The following HTR2C variants were observed in gnomAD, a reference collection of about 807,000 sequenced individuals.
HTR2C encodes 5-hydroxytryptamine (serotonin) receptor 2C, G protein-coupled.
HTR2C carries 5 observed loss-of-function variants against 21.0 expected under a neutral mutation model. That is an observed-to-expected ratio of 0.24 (90% CI 0.12 to 0.50). The LOEUF is 0.50. Among genes scored for constraint, HTR2C ranks in the 20% least tolerant of loss-of-function variants. The pLI, the probability that HTR2C is intolerant of heterozygous loss-of-function variation, is 0.98. For synonymous variants in HTR2C, 150 were observed against 145.3 expected (o/e 1.03, Z -0.23); for missense variants, 271 against 371.2 (o/e 0.73, Z 2.22).
chrX:114,595,799 A>G (rs1380059944), intron 1 of HTR2C, among the ~76,000 whole-genome samples: 1 of 55,853 alleles, frequency 1.8e-5, no homozygotes, highest in Non-Finnish European at 3.6e-5. Flanking sequence ...GCAATATGAC[A>G]GATTAAAACA....
chrX:114,814,882 G>T (rs2070568534), intron 4 of HTR2C, among the ~76,000 whole-genome samples: 1 of 97,508 alleles, frequency 1.0e-5, no homozygotes. Context: ...ATATACTATA[G>T]AATATATATT....
At chrX:114,764,008 A>G (rs1174845533) in intron 4 of HTR2C, among the ~76,000 whole-genome samples, 1 of 111,928 alleles carries the variant, frequency 8.9e-6, no homozygotes, top group Non-Finnish European at 1.9e-5. Flanking sequence ...ACATATGTGG[A>G]AGAATACAGT....
At chrX:114,820,748 C>T (rs2070625227) in intron 4 of HTR2C, among the ~76,000 whole-genome samples, 1 of 110,724 alleles carries the variant, frequency 9.0e-6, no homozygotes, top group East Asian at 2.9e-4. Context: ...CCTTTTGCCT[C>T]CTGTCATGAT....
At chrX:114,857,558 T>A (rs1168638386) in intron 5 of HTR2C, among the ~76,000 whole-genome samples, 2 of 111,534 alleles carry the variant, frequency 1.8e-5, no homozygotes, top group Non-Finnish European at 3.8e-5. Context: ...TTGTGATGAA[T>A]TTTTAACACC....
intron 2 of HTR2C, among the ~76,000 whole-genome samples, chrX:114,713,176 T>G: frequency 9.0e-6 from 1 of 111,423 alleles, no homozygotes; most frequent in Middle Eastern, 4.6e-3. Flanking sequence ...ATTCAATAAT[T>G]ATTAAAATTT....
rs1556486811 is a variant in HTR2C, at chrX:114,906,655, C to T, written c.617C>T (p.Thr206Met). 1 of 1,210,763 alleles carries T rather than the reference C, an allele frequency of 8.3e-7. No homozygotes were observed. The highest frequency in any genetic ancestry group is 1.1e-6 in the Non-Finnish European group (1 of 894,834). ...DEEKVFVNNT[T>M]CVLNDPNFVL... The stretch of plus-strand genomic sequence containing the variant: ...GAAAAGGTGTTCGTGAACAACACGA[C>T]GTGCGTGCTCAACGACCCAAATTTC... Residue 206 changes from threonine to methionine, a missense_variant, in exon 6 of 6, where the codon ACG (threonine) becomes ATG (methionine). Physicochemically the swap from Thr to Met is moderately conservative, Grantham distance 81. Around this residue, in one of 5 missense-constraint regions of HTR2C, gnomAD observed 192 missense variants for 247.2 expected, o/e 0.78. Coordinates refer to ENST00000276198, the MANE Select transcript of HTR2C (RefSeq NM_000868.4).
chrX:114,616,038 G>A (rs1403268350), intron 2 of HTR2C, among the ~76,000 whole-genome samples: 1 of 111,463 alleles, frequency 9.0e-6, no homozygotes, highest in Non-Finnish European at 1.9e-5. Context: ...CTGTAAGGCT[G>A]CCTTTGTCAG....
intron 4 of HTR2C, among the ~76,000 whole-genome samples, chrX:114,809,941 C>T (rs1387551780): frequency 1.8e-5 from 2 of 111,866 alleles, no homozygotes; most frequent in Admixed American, 9.5e-5. Flanking sequence ...AAATTCTGCT[C>T]GGCTACCACT....
At chrX:114,838,995 C>T (rs1556464835) in intron 4 of HTR2C, among the ~76,000 whole-genome samples, 1 of 112,112 alleles carries the variant, frequency 8.9e-6, no homozygotes, top group Admixed American at 9.4e-5. Flanking sequence ...TACAAAAACC[C>T]TCCACATGAT....
chrX:114,645,651 A>G (rs1930336053), intron 2 of HTR2C, among the ~76,000 whole-genome samples: 1 of 111,939 alleles, frequency 8.9e-6, no homozygotes. Context: ...CATAATTGAA[A>G]GTAGGTACAT....
chrX:114,775,251 T>A, intron 4 of HTR2C: 1 of 521,692 alleles, frequency 1.9e-6, no homozygotes, highest in Non-Finnish European at 3.5e-6. Context: ...ACGGTGCTTG[T>A]CATTAGTGGT....
intron 2 of HTR2C, among the ~76,000 whole-genome samples, chrX:114,619,834 TCTC>T (rs1457572431): frequency 3.6e-5 from 4 of 111,527 alleles, no homozygotes; most frequent in Non-Finnish European, 5.6e-5. Context: ...AGGATTCCTG[TCTC>T]CTCCACTAGA....
intron 1 of HTR2C, among the ~76,000 whole-genome samples, chrX:114,605,870 G>C (rs1928390420): frequency 9.2e-6 from 1 of 108,270 alleles, no homozygotes; most frequent in Non-Finnish European, 1.9e-5. Context: ...AGTGGGAAAA[G>C]GGGTTGGGGC....
intron 2 of HTR2C, among the ~76,000 whole-genome samples, chrX:114,657,580 T>C (rs1168825230): frequency 2.7e-5 from 3 of 111,693 alleles, no homozygotes; most frequent in African/African-American, 9.7e-5. Flanking sequence ...TTTAATGTGG[T>C]AAGTCTACCT....
intron 2 of HTR2C, among the ~76,000 whole-genome samples, chrX:114,639,855 A>G (rs1163507126): frequency 5.4e-5 from 6 of 111,481 alleles, no homozygotes; most frequent in Non-Finnish European, 1.1e-4. Context: ...AATTTTTGTA[A>G]AAGTATGAAT....
intron 2 of HTR2C, among the ~76,000 whole-genome samples, chrX:114,708,300 G>T (rs1308802253): frequency 2.7e-5 from 3 of 111,790 alleles, no homozygotes; most frequent in Non-Finnish European, 5.6e-5. Context: ...CAAAGGCACA[G>T]AAAGATTAAA....
intron 2 of HTR2C, among the ~76,000 whole-genome samples, chrX:114,666,978 A>G (rs1213550191): frequency 9.0e-6 from 1 of 110,956 alleles, no homozygotes; most frequent in Non-Finnish European, 1.9e-5. Flanking sequence ...ATTTTCTACT[A>G]TATTTTTTAA....
chrX:114,688,042 C>T (rs782451357), intron 2 of HTR2C, among the ~76,000 whole-genome samples: 11 of 111,165 alleles, frequency 9.9e-5, no homozygotes, highest in South Asian at 7.6e-4. Flanking sequence ...CATTCACGGC[C>T]GAGCACGGTG....
chrX:114,594,866 C>G (rs974882051), intron 1 of HTR2C, among the ~76,000 whole-genome samples: 27 of 111,135 alleles, frequency 2.4e-4, no homozygotes, highest in Non-Finnish European at 3.8e-4. Flanking sequence ...TTCTTATATT[C>G]TGTTTCCTGT....
Sources: gnomAD v4.1 joint callset for allele counts (sites outside exome capture counted in the v4.1 genomes callset) on GRCh38, gnomAD v4.1.1 for gene constraint, gnomAD v4.1.1 regional missense constraint, MANE v1.5 for transcripts, NCBI Gene and HGNC (gene_info 2026-07-23, HGNC 2026-07-21) for gene names.